PITPNC1: variants seen among roughly 807,000 people sequenced by gnomAD.
PITPNC1 encodes cytoplasmic phosphatidylinositol transfer protein 1.
A neutral mutation model predicts 44.7 loss-of-function variants in PITPNC1; 18 were observed. That is an observed-to-expected ratio of 0.40 (90% CI 0.28 to 0.60). The LOEUF (loss-of-function observed/expected upper bound fraction) is 0.60, where lower values mean the gene tolerates loss of function less well. PITPNC1 is among the 20% of genes least tolerant of loss of function. PITPNC1 has a pLI of 0.39. For missense variants in PITPNC1, 290 were observed against 418.4 expected (o/e 0.69, Z 2.68); for synonymous variants, 141 against 149.6 (o/e 0.94, Z 0.42).
chr17:67,640,928 T>G (rs537470413), intron 6 of PITPNC1, among the ~76,000 whole-genome samples: 1 of 152,034 alleles, frequency 6.6e-6, no homozygotes, highest in Admixed American at 6.5e-5. Flanking sequence ...AGGCAAAGGT[T>G]GCAGTGAGCT....
At chr17:67,576,107 CCT>C (rs1169808132) in intron 4 of PITPNC1, among the ~76,000 whole-genome samples, 1 of 152,006 alleles carries the variant, frequency 6.6e-6, no homozygotes, top group African/African-American at 2.4e-5. Context: ...AAACCCCTGA[CCT>C]CAGGTGATAT....
chr17:67,609,001 T>C (rs2041652398), intron 5 of PITPNC1, among the ~76,000 whole-genome samples: 1 of 151,424 alleles, frequency 6.6e-6, no homozygotes. Flanking sequence ...ATGCATGGCT[T>C]CCCTGTGATT....
At chr17:67,631,684 T>G (rs1472092200) in intron 5 of PITPNC1, among the ~76,000 whole-genome samples, 63 of 95,024 alleles carry the variant, frequency 6.6e-4, no homozygotes, top group African/African-American at 2.1e-3. Context: ...AATATATATT[T>G]TTAACATATA....
At chr17:67,615,954 G>A (rs2041752597) in intron 5 of PITPNC1, among the ~76,000 whole-genome samples, 1 of 152,110 alleles carries the variant, frequency 6.6e-6, no homozygotes, top group African/African-American at 2.4e-5. Context: ...TTCGGACTGA[G>A]GCTACTTTGC....
intron 5 of PITPNC1, among the ~76,000 whole-genome samples, chr17:67,605,036 G>A (rs1016072597): frequency 3.3e-5 from 5 of 152,062 alleles, no homozygotes; most frequent in African/African-American, 7.2e-5. Flanking sequence ...CCGAAATCGC[G>A]CCATTGCACT....
At chr17:67,425,193 G>GCGCGCGCACACA (rs1160522771) in intron 1 of PITPNC1, among the ~76,000 whole-genome samples, 4 of 52,118 alleles carry the variant, frequency 7.7e-5, no homozygotes, top group African/African-American at 2.0e-4. Context: ...TTGTGCGCGC[G>GCGCGCGCACACA]CACGCACACG....
At chr17:67,668,229 A>G (rs2042453579) in intron 6 of PITPNC1, among the ~76,000 whole-genome samples, 1 of 152,188 alleles carries the variant, frequency 6.6e-6, no homozygotes. Context: ...TTTGAATCAT[A>G]CAATGTATAT....
intron 1 of PITPNC1, among the ~76,000 whole-genome samples, chr17:67,452,694 T>C (rs954565164): frequency 1.3e-5 from 2 of 152,060 alleles, no homozygotes; most frequent in African/African-American, 4.8e-5. Flanking sequence ...GGTTTCACCA[T>C]GTTGGCCAGG....
At chr17:67,659,392 C>G (rs934244822) in intron 6 of PITPNC1, among the ~76,000 whole-genome samples, 4 of 152,182 alleles carry the variant, frequency 2.6e-5, no homozygotes, top group Non-Finnish European at 4.4e-5. Flanking sequence ...GCATCTGAGA[C>G]CTGGTTGAGC....
intron 4 of PITPNC1, 130 bp from the exon 5 acceptor site, chr17:67,578,056 T>C (rs2041173818): frequency 2.8e-6 from 2 of 715,282 alleles, no homozygotes; most frequent in Non-Finnish European, 5.1e-6. Flanking sequence ...GATATTGACT[T>C]AGTATCTTAA....
At chr17:67,379,761 C>G (rs1364312147) in intron 1 of PITPNC1, among the ~76,000 whole-genome samples, 1 of 152,184 alleles carries the variant, frequency 6.6e-6, no homozygotes, top group Admixed American at 6.6e-5. Flanking sequence ...ATGGATCCCT[C>G]TACTCCATAT....
chr17:67,627,917 CT>C lies in PITPNC1; in HGVS notation c.367-4224del, dbSNP rs1252259537. On this transcript the variant is annotated intron_variant, in intron 5 of 8. Transcript: ENST00000581322. ...TACAGCCTATTCTTTTCTTTTTCTT[CT>C]TCTTCTTTTTTGTTTTTTTTTTTTT... 2.7e-5 allele frequency among the ~76,000 whole-genome samples: 4 copies of C among 150,892 alleles called. No homozygotes were observed. The East Asian group carries it at 7.8e-4, about 29-fold the overall frequency.
chr17:67,516,040 GAGGATCTC>G (rs2040254127), intron 1 of PITPNC1, among the ~76,000 whole-genome samples: 2 of 152,296 alleles, frequency 1.3e-5, no homozygotes, highest in South Asian at 4.2e-4. Flanking sequence ...GAGCAGGATT[GAGGATCTC>G]AGGCTCTTGG....
At chr17:67,572,831 C>G (rs1319967833) in intron 4 of PITPNC1, among the ~76,000 whole-genome samples, 1 of 149,890 alleles carries the variant, frequency 6.7e-6, no homozygotes, top group East Asian at 2.0e-4. Flanking sequence ...AGGGTGGGTC[C>G]AAATCCAATG....
intron 4 of PITPNC1, among the ~76,000 whole-genome samples, chr17:67,565,103 T>C (rs1366395126): frequency 6.6e-6 from 1 of 152,220 alleles, no homozygotes; most frequent in Non-Finnish European, 1.5e-5. Flanking sequence ...GTTTCCCATG[T>C]TTTTCAGTGT....
intron 1 of PITPNC1, among the ~76,000 whole-genome samples, chr17:67,444,566 T>C (rs1052882583): frequency 3.3e-5 from 5 of 151,936 alleles, no homozygotes; most frequent in Non-Finnish European, 7.4e-5. Flanking sequence ...CCCCTGAAGG[T>C]TTGCTGAAAA....
intron 1 of PITPNC1, among the ~76,000 whole-genome samples, chr17:67,386,140 C>T (rs192787261): frequency 1.2e-4 from 18 of 152,236 alleles, no homozygotes; most frequent in East Asian, 3.9e-4. Context: ...GTAAGGCTGT[C>T]GTTTCAGGCG....
chr17:67,655,949 T>C (rs1468489211), intron 6 of PITPNC1, among the ~76,000 whole-genome samples: 4 of 152,052 alleles, frequency 2.6e-5, no homozygotes, highest in African/African-American at 9.7e-5. Flanking sequence ...CCAAAAAGTT[T>C]CAACATGTGA....
At chr17:67,532,681 C>T in intron 1 of PITPNC1, 121 bp from the exon 2 acceptor site, 1 of 695,288 alleles carries the variant, frequency 1.4e-6, no homozygotes, top group Non-Finnish European at 2.4e-6. Context: ...GCCCATGTGG[C>T]TGCCTTCTCT....
Sources: allele counts gnomAD v4.1 joint callset (sites outside exome capture counted in the v4.1 genomes callset), GRCh38; gene constraint gnomAD v4.1.1; transcripts MANE v1.5; gene names NCBI Gene and HGNC (gene_info 2026-07-23, HGNC 2026-07-21).